The following EWSR1 variants were observed in gnomAD, a reference collection of about 807,000 sequenced individuals.
EWSR1 encodes EWS RNA binding protein 1.
In EWSR1, 14 loss-of-function variants were observed where a neutral mutation model predicts 92.1. The ratio of observed to expected loss-of-function variants is 0.15; its 90% CI spans 0.10 to 0.24. EWSR1 has a LOEUF of 0.24. Among genes scored for constraint, EWSR1 ranks in the 10% least tolerant of loss-of-function variants. The pLI is 1.00. For missense variants in EWSR1, 637 were observed against 870.9 expected, an observed-to-expected ratio of 0.73 and a Z score of 3.38; for synonymous variants, 303 against 292.9, an observed-to-expected ratio of 1.03 and a Z score of -0.35.
At chr22:29,292,105 T>G in intron 9 of EWSR1, 32 bp from the exon 10 acceptor site, 1 of 1,606,448 alleles carries the variant, frequency 6.2e-7, no homozygotes, top group Middle Eastern at 1.7e-4. Flanking sequence ...CGTGCACTAA[T>G]AATATTTTAT....
At chr22:29,288,911 A>C in intron 8 of EWSR1, 125 bp downstream of exon 8, 18 of 918,850 alleles carry the variant, frequency 2.0e-5, no homozygotes, top group Non-Finnish European at 2.6e-5. Context: ...TGTTGAGCTC[A>C]AGCCATCTTC....
intron 5 of EWSR1, among the ~76,000 whole-genome samples, chr22:29,278,621 G>A (rs768342958): frequency 2.2e-4 from 33 of 152,112 alleles, no homozygotes; most frequent in South Asian, 6.2e-4. Context: ...TCAGGAGATC[G>A]AGACCATCCT....
chr22:29,277,392 CA>C lies in EWSR1; in HGVS notation c.227-631del, dbSNP rs546777035. 1.7e-3 allele frequency: 381 copies of C among 221,970 alleles called. 2 individuals carry two copies. The highest frequency in any genetic ancestry group is 7.6e-3 in the African/African-American group (342 of 44,842). 13.8% of individuals were successfully genotyped at this position (221,970 alleles called of 1,614,324 possible). ...TCGAAGTTTAATTTTAAATAATTTA[CA>C]AAAAAAGGATAAACTGTGTTAAGCA... On this transcript the variant is annotated intron_variant, in intron 4 of 16. Coordinates refer to ENST00000397938, the MANE Select transcript of EWSR1 (RefSeq NM_005243.4).
Position 29,284,013 on chromosome 22 carries a change from T to A in EWSR1, c.581+1456T>A, listed in dbSNP as rs546252200. Among the ~76,000 whole-genome samples the A allele has an allele frequency of 3.3e-5, 5 of 151,398 alleles. No individual in the cohort carries two copies. In the South Asian group the frequency reaches 1.0e-3, roughly 31 times the overall value. On this transcript the variant is annotated intron_variant, in intron 6 of 16. Coordinates refer to ENST00000397938, the MANE Select transcript of EWSR1 (RefSeq NM_005243.4). ...CCACAACCGGCTAATTTTGTATTTTTAGTAGAGACGGGGTTTCTCCATGTT... is the reference window on the plus strand; with the variant it reads ...CCACAACCGGCTAATTTTGTATTTTAAGTAGAGACGGGGTTTCTCCATGTT...
intron 5 of EWSR1, 123 bp from the exon 6 acceptor site, chr22:29,282,267 A>G (rs2059670197): frequency 5.6e-6 from 4 of 717,336 alleles, no homozygotes; most frequent in South Asian, 2.0e-5. Flanking sequence ...ATTTATTTCC[A>G]GGCTTAATCA....
chr22:29,289,312 G>A (rs1403183452), intron 8 of EWSR1: 1 of 230,684 alleles, frequency 4.3e-6, no homozygotes, highest in Non-Finnish European at 8.6e-6. Context: ...TGATTACATA[G>A]AGTTTGGATG....
At chr22:29,269,093 C>T (rs1353440780) in intron 1 of EWSR1, 1 of 152,238 alleles carries the variant, frequency 6.6e-6, no homozygotes, top group Non-Finnish European at 1.5e-5. Context: ...CTTCCCAGGG[C>T]CCTTTTTCTG....
chr22:29,272,535 G>A, intron 3 of EWSR1, 104 bp downstream of exon 3: 3 of 1,202,676 alleles, frequency 2.5e-6, no homozygotes, highest in South Asian at 1.3e-5. Context: ...AATGTGTTTG[G>A]AATAGTAAAA....
rs1272937614 is a variant in EWSR1, at chr22:29,283,733, C to T, written c.581+1176C>T. On this transcript the variant is annotated intron_variant, in intron 6 of 16. Coordinates refer to ENST00000397938, the MANE Select transcript of EWSR1 (RefSeq NM_005243.4). The stretch of plus-strand genomic sequence containing the variant: ...ATTTTTAGTAGAGACAGGGTTTCAC[C>T]ATGTGGGCCAGGCTTGTCTGGAATT... Among the ~76,000 whole-genome samples the T allele has an allele frequency of 4.6e-5, 7 of 150,750 alleles. 1 individual carries two copies. Among genetic ancestry groups the T allele is most frequent in the African/African-American group, 7.5e-5 (3 of 40,224 alleles).
At chr22:29,273,643 G>A in intron 3 of EWSR1, 98 bp from the exon 4 acceptor site, 1 of 1,344,540 alleles carries the variant, frequency 7.4e-7, no homozygotes, top group African/African-American at 1.5e-5. Context: ...TTCTAGAAAG[G>A]AATGTTTTTG....
At chr22:29,299,164 C>T in intron 14 of EWSR1, 70 bp from the exon 15 acceptor site, 7 of 1,613,288 alleles carry the variant, frequency 4.3e-6, no homozygotes, top group Non-Finnish European at 5.9e-6. Flanking sequence ...TACCTGTTCA[C>T]ACACCACCTT....
intron 5 of EWSR1, 90 bp from the exon 6 acceptor site, chr22:29,282,300 C>A: frequency 9.9e-7 from 1 of 1,010,646 alleles, no homozygotes; most frequent in Non-Finnish European, 1.4e-6. Flanking sequence ...TTGCTCGTAG[C>A]TTTGTAGCAT....
Position 29,291,552 on chromosome 22 carries a change from A to G in EWSR1, c.975-10A>G, listed in dbSNP as rs1203581963. On this transcript the variant is annotated splice_polypyrimidine_tract_variant and intron_variant, in intron 8 of 16. Coordinates refer to ENST00000397938, the MANE Select transcript of EWSR1 (RefSeq NM_005243.4). ...GGGAAAGGCCTTCATTTCTTCGTTT[A>G]TCCCCCCAGCAGCGCTGGAGAGCGA... 1 of 1,612,886 alleles carries G rather than the reference A, an allele frequency of 6.2e-7. No homozygotes were observed. The highest frequency in any genetic ancestry group is 2.2e-5 in the East Asian group (1 of 44,886).
rs779809862 is a variant in EWSR1 at position 29,299,811 on chromosome 22, GGAA to G, written c.1897_1899del (p.Arg633del). The G allele has an allele frequency of 3.8e-6, 6 of 1,569,878 alleles. No individual in the cohort carries two copies. Among genetic ancestry groups the G allele is most frequent in the East Asian group, 2.3e-5 (1 of 44,268 alleles). ...TGGACCTTTGATGGAACAGATGGGA[GGAA>G]GAAGAGGAGGACGTGGAGGACCTGG... On this transcript the variant is annotated inframe_deletion, in exon 16 of 17. Transcript: ENST00000397938.
intron 14 of EWSR1, 110 bp downstream of exon 14, chr22:29,299,005 C>G: frequency 7.3e-7 from 1 of 1,363,560 alleles, no homozygotes; most frequent in Admixed American, 2.4e-5. Flanking sequence ...AATGATGACC[C>G]TGATGGCTGG....
At chr22:29,287,787 A>T (rs776617121) in intron 7 of EWSR1, among the ~76,000 whole-genome samples, 3 of 152,324 alleles carry the variant, frequency 2.0e-5, no homozygotes, top group Middle Eastern at 3.4e-3. Context: ...ATCAGTCATT[A>T]ATGTAAAGTG....
rs1467736672 is a variant in EWSR1 at position 29,288,717 on chromosome 22, G to A, written c.905G>A (p.Arg302Lys). The change falls in exon 8 of 17, where the codon AGG (arginine) becomes AAG (lysine). Residue 302 changes from arginine to lysine, a missense_variant. Physicochemically the swap from Arg to Lys is conservative, Grantham distance 26 (BLOSUM62 2). Around this residue, in one of 5 missense-constraint regions of EWSR1, gnomAD observed 116 missense variants for 167.8 expected, o/e 0.69. Coordinates refer to ENST00000397938, the MANE Select transcript of EWSR1 (RefSeq NM_005243.4). ...ATGAGTGGCCCTGATAACCGGGGCA[G>A]GGGAAGAGGGGGATTTGATCGTGGA... The part of the protein sequence containing the change: ...RSMSGPDNRG[R>K]GRGGFDRGGM... 6.2e-7 allele frequency: 1 copy of A among 1,613,798 alleles called. No individual in the cohort carries two copies. Among genetic ancestry groups the A allele is most frequent in the African/African-American group, 1.3e-5 (1 of 74,934 alleles).
chr22:29,297,771 G>A, intron 12 of EWSR1, 56 bp from the exon 13 acceptor site: 4 of 1,602,020 alleles, frequency 2.5e-6, no homozygotes, highest in Non-Finnish European at 3.4e-6. Context: ...TGATGATGTG[G>A]AGTTGGTGAA....
chr22:29,281,189 A>G (rs1874280275), intron 5 of EWSR1, among the ~76,000 whole-genome samples: 1 of 151,118 alleles, frequency 6.6e-6, no homozygotes, highest in African/African-American at 2.4e-5. Context: ...AATTTTTTGT[A>G]TTTCTAGTAG....
Sources: allele counts gnomAD v4.1 joint callset (sites outside exome capture counted in the v4.1 genomes callset), GRCh38; gene constraint gnomAD v4.1.1; regional missense constraint gnomAD v4.1.1; transcripts MANE v1.5; gene names NCBI Gene and HGNC (gene_info 2026-07-23, HGNC 2026-07-21).